IKZF4: variants seen among roughly 807,000 people sequenced by gnomAD.
IKZF4 encodes IKAROS family zinc finger 4.
In IKZF4, 11 loss-of-function variants were observed where a neutral mutation model predicts 47.7. That is an observed-to-expected ratio of 0.23 (90% CI 0.15 to 0.38). The LOEUF is 0.38. Ranked by LOEUF, IKZF4 falls within the 10% of genes least tolerant of loss-of-function variation. IKZF4 has a pLI of 1.00. For synonymous variants in IKZF4, 298 were observed against 299.4 expected, an observed-to-expected ratio of 1.00 and a Z score of 0.05; for missense variants, 557 against 784.9, an observed-to-expected ratio of 0.71 and a Z score of 3.47.
chr12:56,016,747 C>T (rs1892133105), upstream of IKZF4, among the ~76,000 whole-genome samples: 1 of 152,088 alleles, frequency 6.6e-6, no homozygotes, highest in African/African-American at 2.4e-5. Flanking sequence ...CAGGCATGCG[C>T]CACCATGCCT....
chr12:56,017,423 G>A (rs1048001028), upstream of IKZF4, among the ~76,000 whole-genome samples: 7 of 151,746 alleles, frequency 4.6e-5, no homozygotes, highest in African/African-American at 1.7e-4. Flanking sequence ...CATACTCCAA[G>A]ACAGAATCCC....
intron 1 of IKZF4, 107 bp downstream of exon 1, chr12:56,021,687 G>A (rs1316202678): frequency 9.9e-7 from 1 of 1,005,934 alleles, no homozygotes; most frequent in Non-Finnish European, 1.4e-6. Flanking sequence ...GAGGATGGGG[G>A]CTGTGTGTGT....
chr12:56,010,337 A>G (rs1357977435), intron 1 of IKZF4: 1 of 152,198 alleles, frequency 6.6e-6, no homozygotes, highest in Non-Finnish European at 1.5e-5. Context: ...TAGTGCTGAT[A>G]TGAATGACCT....
intron 7 of IKZF4, among the ~76,000 whole-genome samples, chr12:56,033,644 T>G (rs1015369860): frequency 6.6e-6 from 1 of 152,002 alleles, no homozygotes; most frequent in Non-Finnish European, 1.5e-5. Context: ...GAGGCGGAGC[T>G]TGCAGTGAGC....
rs1032665297 is a variant in IKZF4, at chr12:56,021,850, T to C, written c.87+270T>C. 5.5e-6 allele frequency: 3 copies of C among 544,220 alleles called. 1 individual carries two copies. The highest frequency in any genetic ancestry group is 4.2e-5 in the South Asian group (2 of 47,222). 33.7% of individuals were successfully genotyped at this position (544,220 alleles called of 1,614,324 possible). A position where few individuals can be genotyped will look rare whatever the true frequency, so the allele number is the denominator to read the frequency against. On this transcript the variant is annotated intron_variant, in intron 1 of 7. Coordinates refer to ENST00000547167, the MANE Select transcript of IKZF4 (RefSeq NM_022465.4). ...CCTATGGTGACATCTTGATTAGGCC[T>C]TGGGGATAGAGGTAGAGCTGCCTGG... is the stretch of plus-strand genomic sequence containing the variant.
chr12:56,015,775 C>T (rs1420946946), intron 2 of IKZF4, among the ~76,000 whole-genome samples: 1 of 152,184 alleles, frequency 6.6e-6, no homozygotes, highest in Admixed American at 6.5e-5. Flanking sequence ...CCCCTCAATA[C>T]CAGACTGCCC....
intron 2 of IKZF4, among the ~76,000 whole-genome samples, chr12:56,014,766 C>T (rs1227765715): frequency 2.6e-5 from 4 of 151,532 alleles, no homozygotes; most frequent in Non-Finnish European, 5.9e-5. Flanking sequence ...GGCAACACAG[C>T]GAGACTCCGT....
intron 2 of IKZF4, chr12:56,024,049 T>C (rs947817151): frequency 3.7e-6 from 2 of 546,480 alleles, no homozygotes; most frequent in Non-Finnish European, 4.7e-6. Flanking sequence ...CCTATATATT[T>C]GTGTAGAAGA....
intron 2 of IKZF4, among the ~76,000 whole-genome samples, chr12:56,014,895 C>T (rs996807009): frequency 6.6e-6 from 1 of 152,216 alleles, no homozygotes; most frequent in Admixed American, 6.5e-5. Context: ...CTCAGAGAGG[C>T]AGGCAACTTG....
Position 56,026,955 on chromosome 12 carries a change from T to C in IKZF4, c.461T>C (p.Leu154Pro). ...CCTCACTCCCCTGGGGGCATCCGGC[T>C]GCCCAATGGCAAGCTCAAGTGTGAC... The part of the protein sequence containing the change: ...PEPHSPGGIR[L>P]PNGKLKCDVC... Residue 154 changes from leucine (L) to proline (P), a missense_variant, in exon 4 of 8, where the codon CTG (leucine) becomes CCG (proline). Coordinates refer to ENST00000547167, the MANE Select transcript of IKZF4 (RefSeq NM_022465.4). The C allele has an allele frequency of 3.1e-6, 5 of 1,611,732 alleles. No individual in the cohort carries two copies. The highest frequency in any genetic ancestry group is 4.2e-6 in the Non-Finnish European group (5 of 1,178,840).
At chr12:56,012,315 C>T (rs1261084230) in intron 2 of IKZF4, among the ~76,000 whole-genome samples, 2 of 143,666 alleles carry the variant, frequency 1.4e-5, no homozygotes, top group Non-Finnish European at 3.0e-5. Flanking sequence ...GTTCTTGTTG[C>T]CCAGTCTGGA....
At chr12:56,012,338 G>A (rs961361294) in intron 2 of IKZF4, among the ~76,000 whole-genome samples, 4 of 146,386 alleles carry the variant, frequency 2.7e-5, no homozygotes, top group Non-Finnish European at 5.9e-5. Context: ...GCAATGGCCC[G>A]ATCTCGGCTC....
chr12:56,009,113 C>T (rs1365579725), intron 1 of IKZF4, among the ~76,000 whole-genome samples: 5 of 152,066 alleles, frequency 3.3e-5, no homozygotes, highest in Non-Finnish European at 7.4e-5. Context: ...CCTGTGCCCT[C>T]GAAGCATCAA....
chr12:56,009,853 C>T (rs778264241), intron 1 of IKZF4, among the ~76,000 whole-genome samples: 8 of 152,132 alleles, frequency 5.3e-5, no homozygotes, highest in Admixed American at 1.3e-4. Flanking sequence ...GAAATAAGTC[C>T]TGACTTTTTT....
At position 56,008,523 on chromosome 12, in the gene IKZF4, A is replaced by T. The variant is rs572378124; in HGVS notation, c.-292+789A>T. On this transcript the variant is annotated intron_variant, in intron 1 of 11. Transcript: ENST00000262032. ...TCTCACTTTTTAAATTTTCTATATT[A>T]TTTCTGTGCCTTTAAAAAAAATTAT... Among the ~76,000 whole-genome samples, 36 of 152,016 alleles carry T rather than the reference A, an allele frequency of 2.4e-4. 3 individuals carry two copies. Among genetic ancestry groups the T allele is most frequent in the African/African-American group, 8.7e-4 (36 of 41,424 alleles).
At chr12:56,018,246 A>G, upstream of IKZF4, 2 of 1,166,050 alleles carry the variant, frequency 1.7e-6, no homozygotes, top group Non-Finnish European at 2.3e-6. Flanking sequence ...CAGAGCAGAG[A>G]GCCTTCAGCC....
intron 1 of IKZF4, 22 bp downstream of exon 1, chr12:56,021,602 C>G: frequency 6.3e-7 from 1 of 1,581,782 alleles, no homozygotes; most frequent in Non-Finnish European, 8.6e-7. Flanking sequence ...CAGAAGGCGG[C>G]TAGTGGAGGG....
chr12:56,021,038 T>C (rs1892822319), upstream of IKZF4: 5 of 1,128,172 alleles, frequency 4.4e-6, no homozygotes, highest in South Asian at 7.6e-5. Flanking sequence ...CTCTCTCTCT[T>C]GCACACACTC....
chr12:56,035,118 A>G lies in IKZF4; in HGVS notation c.1545A>G (p.Glu515=). The G allele has an allele frequency of 6.2e-7, 1 of 1,613,094 alleles. No individual in the cohort carries two copies. Among genetic ancestry groups the G allele is most frequent in the Middle Eastern group, 1.7e-4 (1 of 6,056 alleles). ...LLRGTPGPSK[E]VLRVVGESGE... is the part of the protein sequence containing the mutation. ...GGGGCACCCCAGGCCCCTCCAAGGA[A>G]GTGCTTCGGGTGGTGGGCGAGAGTG... Residue 515 remains glutamate, a synonymous_variant, in exon 8 of 8, where the codon GAA becomes GAG. Coordinates refer to ENST00000547167, the MANE Select transcript of IKZF4 (RefSeq NM_022465.4). This position sits in a 1 kb window ranked among gnomAD's most constrained non-coding sequence, Gnocchi z 6.1.
Sources: gnomAD v4.1 joint callset for allele counts (sites outside exome capture counted in the v4.1 genomes callset) on GRCh38, gnomAD v4.1.1 for gene constraint, Gnocchi (gnomAD v3.1) non-coding constraint, MANE v1.5 for transcripts, NCBI Gene and HGNC (gene_info 2026-07-23, HGNC 2026-07-21) for gene names.